The following ENPP3 variants were observed in gnomAD, a reference collection of about 807,000 sequenced individuals.
ENPP3 encodes the protein ectonucleotide pyrophosphatase/phosphodiesterase family member 3.
A neutral mutation model predicts 117.8 loss-of-function variants in ENPP3; 104 were observed. The observed-to-expected ratio is 0.88, with a 90% CI of 0.75 to 1.04. The LOEUF (loss-of-function observed/expected upper bound fraction) is 1.04. Among genes scored for constraint, ENPP3 ranks in the 50% least tolerant of loss-of-function variants. ENPP3 has a pLI of 0.00. For synonymous variants in ENPP3, 380 were observed against 349.9 expected, an observed-to-expected ratio of 1.09 and a Z score of -0.96; for missense variants, 1,026 against 1,051.9, an observed-to-expected ratio of 0.98 and a Z score of 0.34.
chr6:131,682,997 G>C lies in ENPP3; in HGVS notation c.1012-57G>C, dbSNP rs544916331. 3 of 1,030,618 alleles carry C rather than the reference G, an allele frequency of 2.9e-6. No homozygotes were observed. In the African/African-American group the frequency reaches 4.7e-5, roughly 16 times the overall value. The allele number at this position is 1,030,618 out of a possible 1,614,324, so 63.8% of individuals were successfully genotyped here. A position where few individuals can be genotyped will look rare whatever the true frequency, so the allele number is the denominator to read the frequency against. ...TTTAATTTTTACTTCATTAGATAAC[G>C]GTTTGGCTAATTAAGACAACTCATT... On this transcript the variant is annotated intron_variant, in intron 11 of 24. Coordinates refer to ENST00000357639, the MANE Select transcript of ENPP3 (RefSeq NM_005021.5).
chr6:131,689,079 G>A lies in ENPP3; in HGVS notation c.1284+3172G>A, dbSNP rs376447903. 5.8e-4 allele frequency among the ~76,000 whole-genome samples: 88 copies of A among 151,884 alleles called. 1 individual carries two copies. The highest frequency in any genetic ancestry group is 2.0e-3 in the African/African-American group (81 of 41,454). ...AGACTCTATTTAAAAGAGAGAGAGA[G>A]AAAAAAAGAAGAAGCCTTCTCCATA... On this transcript the variant is annotated intron_variant, in intron 14 of 24. Transcript: ENST00000357639.
intron 6 of ENPP3, among the ~76,000 whole-genome samples, chr6:131,668,069 G>A (rs1366333169): frequency 6.6e-6 from 1 of 152,012 alleles, no homozygotes; most frequent in Admixed American, 6.6e-5. Flanking sequence ...CCTATTTTCA[G>A]CCTGTGAATA....
chr6:131,702,273 C>T (rs1343907054), intron 15 of ENPP3, among the ~76,000 whole-genome samples: 10 of 151,180 alleles, frequency 6.6e-5, no homozygotes, highest in African/African-American at 2.0e-4. Flanking sequence ...GCGGGCTATA[C>T]TAAGGTTCGA....
At chr6:131,708,900 A>T in intron 15 of ENPP3, 2 of 1,607,796 alleles carry the variant, frequency 1.2e-6, no homozygotes, top group Non-Finnish European at 1.7e-6. Context: ...TATCCACTGG[A>T]AACAATGGAC....
intron 9 of ENPP3, among the ~76,000 whole-genome samples, chr6:131,675,718 T>C (rs1778853173): frequency 6.6e-6 from 1 of 152,004 alleles, no homozygotes; most frequent in Non-Finnish European, 1.5e-5. Flanking sequence ...ACCTCTAATC[T>C]TGGCTACTCT....
rs932726075 is a variant in ENPP3 at position 131,712,167 on chromosome 6, A to G, written c.1413-6505A>G. 1.4e-4 allele frequency among the ~76,000 whole-genome samples: 19 copies of G among 136,222 alleles called. 1 individual carries two copies. The highest frequency in any genetic ancestry group is 1.0e-4 in the Non-Finnish European group (7 of 67,328). 89.4% of individuals were successfully genotyped at this position (136,222 alleles called of 152,430 possible). On this transcript the variant is annotated intron_variant, in intron 15 of 24. Coordinates refer to ENST00000357639, the MANE Select transcript of ENPP3 (RefSeq NM_005021.5). ...TATGATGCCCTATCTGTTAACTCCA[A>G]TATCTGGATTATCTATGAGTTTGTT...
At chr6:131,673,395 A>G (rs1778790720) in intron 7 of ENPP3, among the ~76,000 whole-genome samples, 1 of 152,196 alleles carries the variant, frequency 6.6e-6, no homozygotes, top group Non-Finnish European at 1.5e-5. Context: ...TTGTGGGAAC[A>G]TAAATGGAGC....
At chr6:131,683,859 T>C (rs1779087214) in intron 12 of ENPP3, among the ~76,000 whole-genome samples, 1 of 151,176 alleles carries the variant, frequency 6.6e-6, no homozygotes, top group Non-Finnish European at 1.5e-5. Context: ...CATGCCATTC[T>C]CCTGCCTCAA....
chr6:131,686,247 A>T (rs1779151033), intron 14 of ENPP3, among the ~76,000 whole-genome samples: 1 of 152,182 alleles, frequency 6.6e-6, no homozygotes. Context: ...GAGGATAGTG[A>T]ATTATACCTC....
intron 14 of ENPP3, among the ~76,000 whole-genome samples, chr6:131,688,929 G>C (rs1215028130): frequency 6.6e-6 from 1 of 151,588 alleles, no homozygotes; most frequent in Non-Finnish European, 1.5e-5. Flanking sequence ...AGCCAGGCGT[G>C]GTTTTGGGCA....
At chr6:131,683,275 C>A in intron 12 of ENPP3, 113 bp downstream of exon 12, 1 of 619,788 alleles carries the variant, frequency 1.6e-6, no homozygotes, top group South Asian at 2.0e-5. Context: ...CCTAAAGTCT[C>A]TTGAAGAAGC....
intron 1 of ENPP3, 121 bp from the exon 2 acceptor site, chr6:131,641,334 T>C: frequency 1.9e-6 from 1 of 529,888 alleles, no homozygotes. Context: ...TTGTTGGATC[T>C]GGTATCTGGC....
intron 14 of ENPP3, 59 bp downstream of exon 14, chr6:131,685,966 G>A (rs1243597813): frequency 3.6e-6 from 2 of 550,398 alleles, no homozygotes; most frequent in East Asian, 3.2e-5. Context: ...CTTAATCTGG[G>A]TTTTTGAGAA....
At position 131,733,578 on chromosome 6, in the gene ENPP3, C is replaced by T; in HGVS notation, c.1954-10C>T. On this transcript the variant is annotated splice_polypyrimidine_tract_variant and intron_variant, in intron 20 of 24. Coordinates refer to ENST00000357639, the MANE Select transcript of ENPP3 (RefSeq NM_005021.5). ...GTGGGCGTAATTTTTTTCTCTCTCT[C>T]TTTGAACAGGGAGACACATCGCCTC... 1 of 1,607,618 alleles carries T rather than the reference C, an allele frequency of 6.2e-7. No homozygotes were observed.
Position 131,670,703 on chromosome 6 carries a change from G to A in ENPP3, c.563-545G>A, listed in dbSNP as rs143794952. Among the ~76,000 whole-genome samples, 95 of 152,178 alleles carry A rather than the reference G, an allele frequency of 6.2e-4. 1 individual carries two copies. The highest frequency in any genetic ancestry group is 2.2e-3 in the African/African-American group (90 of 41,512). Reference sequence around the variant, plus strand: ...AAATGGGGTTTCATTGTGTTGCTCAGGTTGGCCTCAAACTCTTGAGCTCAA... The same window carrying A: ...AAATGGGGTTTCATTGTGTTGCTCAAGTTGGCCTCAAACTCTTGAGCTCAA... On this transcript the variant is annotated intron_variant, in intron 6 of 24. Transcript: ENST00000357639.
intron 15 of ENPP3, among the ~76,000 whole-genome samples, chr6:131,699,178 C>T (rs1216686810): frequency 2.3e-5 from 3 of 130,334 alleles, no homozygotes; most frequent in African/African-American, 6.2e-5. Flanking sequence ...GCAGAGGTTG[C>T]GGTGAGCCGA....
intron 15 of ENPP3, among the ~76,000 whole-genome samples, chr6:131,695,078 G>C (rs1779375606): frequency 6.6e-6 from 1 of 151,932 alleles, no homozygotes; most frequent in South Asian, 2.1e-4. Context: ...AGCCCTTTGT[G>C]TAGATGGGTG....
chr6:131,661,174 T>C (rs572750056), intron 6 of ENPP3, among the ~76,000 whole-genome samples: 1 of 152,300 alleles, frequency 6.6e-6, no homozygotes, highest in East Asian at 1.9e-4. Context: ...TTATGAGTAG[T>C]GCTTCAGTGA....
intron 1 of ENPP3, among the ~76,000 whole-genome samples, chr6:131,639,267 T>TATATATA (rs1562421609): frequency 2.5e-5 from 2 of 78,748 alleles, no homozygotes; most frequent in African/African-American, 1.8e-4. Context: ...ATATATATAT[T>TATATATA]TTTTTTTTTT....
Sources: allele counts gnomAD v4.1 joint callset (sites outside exome capture counted in the v4.1 genomes callset), GRCh38; gene constraint gnomAD v4.1.1; transcripts MANE v1.5; gene names NCBI Gene and HGNC (gene_info 2026-07-23, HGNC 2026-07-21).